The following CCDC170 variants were observed in gnomAD, a reference collection of about 807,000 sequenced individuals.
The protein encoded by CCDC170 is coiled-coil domain containing 170.
A neutral mutation model predicts 72.6 loss-of-function variants in CCDC170; 69 were observed. The observed-to-expected ratio is 0.95, with a 90% CI of 0.78 to 1.16. CCDC170 has a LOEUF of 1.16. Among genes scored for constraint, CCDC170 ranks in the 50% most tolerant of loss-of-function variants. CCDC170 has a pLI of 0.00. For missense variants in CCDC170, 852 were observed against 832.5 expected (o/e 1.02, Z -0.29); for synonymous variants, 300 against 303.9 (o/e 0.99, Z 0.13).
intron 9 of CCDC170, among the ~76,000 whole-genome samples, chr6:151,600,784 G>C (rs1032125919): frequency 6.6e-6 from 1 of 151,936 alleles, no homozygotes; most frequent in Admixed American, 6.6e-5. Flanking sequence ...TAATTGAATG[G>C]TTTTTAGTAT....
intron 5 of CCDC170, among the ~76,000 whole-genome samples, chr6:151,572,565 A>C (rs1265031878): frequency 6.6e-6 from 1 of 151,798 alleles, no homozygotes; most frequent in African/African-American, 2.4e-5. Flanking sequence ...AACTCTTTCC[A>C]GTATTCCACA....
intron 9 of CCDC170, among the ~76,000 whole-genome samples, chr6:151,602,489 G>A (rs1776723557): frequency 6.6e-6 from 1 of 152,056 alleles, no homozygotes; most frequent in Non-Finnish European, 1.5e-5. Context: ...ATATGGTTTG[G>A]CTCTGTGTCC....
intron 1 of CCDC170, among the ~76,000 whole-genome samples, chr6:151,530,638 C>T (rs1782480047): frequency 6.6e-6 from 1 of 152,004 alleles, no homozygotes; most frequent in African/African-American, 2.4e-5. Flanking sequence ...GACTGGGTTT[C>T]ACCATGTTGG....
chr6:151,602,399 A>G (rs1395192342), intron 9 of CCDC170, among the ~76,000 whole-genome samples: 3 of 152,218 alleles, frequency 2.0e-5, no homozygotes, highest in African/African-American at 2.4e-5. Flanking sequence ...TTCAAAAATC[A>G]AAACAAAGGA....
At chr6:151,590,748 G>A (rs1776523025) in intron 7 of CCDC170, among the ~76,000 whole-genome samples, 2 of 152,180 alleles carry the variant, frequency 1.3e-5, no homozygotes, top group Non-Finnish European at 2.9e-5. Flanking sequence ...TGGGGTCTCG[G>A]CTTGCTCTTG....
intron 1 of CCDC170, among the ~76,000 whole-genome samples, chr6:151,505,810 C>T (rs1244508667): frequency 6.6e-6 from 1 of 152,072 alleles, no homozygotes; most frequent in Non-Finnish European, 1.5e-5. Flanking sequence ...AAATCAAGAA[C>T]TCTAGGCTGG....
At chr6:151,531,607 A>G (rs905363030) in intron 1 of CCDC170, among the ~76,000 whole-genome samples, 2 of 152,236 alleles carry the variant, frequency 1.3e-5, no homozygotes, top group East Asian at 3.8e-4. Context: ...GGAACAAGAC[A>G]AAATGTCCGT....
At chr6:151,578,477 G>C (rs970877606) in intron 6 of CCDC170, among the ~76,000 whole-genome samples, 11 of 152,086 alleles carry the variant, frequency 7.2e-5, no homozygotes, top group Non-Finnish European at 1.6e-4. Context: ...CGGTCTTCGT[G>C]TCCAAATTTC....
In CCDC170 at chr6:151,599,253, A is replaced by G. The variant is rs190246633; in HGVS notation, c.1710+2676A>G. The stretch of plus-strand genomic sequence containing the variant: ...TACCCATAGGGAGGTGCTTTCATGT[A>G]GACAAGGATATGGCAAAATCAGAGC... On this transcript the variant is annotated intron_variant, in intron 9 of 10. Transcript: ENST00000239374. 5.3e-3 allele frequency among the ~76,000 whole-genome samples: 804 copies of G among 152,370 alleles called. 6 individuals are homozygous for G. The highest frequency in any genetic ancestry group is 0.019 in the African/African-American group (771 of 41,584).
intron 5 of CCDC170, among the ~76,000 whole-genome samples, chr6:151,558,353 C>A (rs1386629638): frequency 7.0e-6 from 1 of 143,484 alleles, no homozygotes; most frequent in Non-Finnish European, 1.5e-5. Flanking sequence ...CAGGTTGTTT[C>A]TTCACCCTGT....
At chr6:151,587,497 C>T (rs1368406452) in intron 7 of CCDC170, among the ~76,000 whole-genome samples, 2 of 152,100 alleles carry the variant, frequency 1.3e-5, no homozygotes, top group African/African-American at 4.8e-5. Context: ...GAAAGGGAGG[C>T]ACACAGGCCC....
intron 7 of CCDC170, among the ~76,000 whole-genome samples, chr6:151,588,460 G>A (rs1269594899): frequency 6.6e-6 from 1 of 152,188 alleles, no homozygotes; most frequent in African/African-American, 2.4e-5. Flanking sequence ...CCCAGTTGGT[G>A]GCTCCCTGAC....
chr6:151,545,629 TTTTG>T (rs1782760010), intron 4 of CCDC170, among the ~76,000 whole-genome samples: 1 of 152,102 alleles, frequency 6.6e-6, no homozygotes. Context: ...TGTTTTTTTT[TTTTG>T]TTTGTTTGTT....
At chr6:151,541,828 TATATAA>T (rs1325935465) in intron 3 of CCDC170, among the ~76,000 whole-genome samples, 3 of 147,050 alleles carry the variant, frequency 2.0e-5, no homozygotes, top group Non-Finnish European at 3.0e-5. Flanking sequence ...TATATGTATA[TATATAA>T]ATATAAGTAT....
intron 1 of CCDC170, among the ~76,000 whole-genome samples, chr6:151,518,100 G>A (rs954271243): frequency 2.0e-5 from 3 of 152,154 alleles, no homozygotes; most frequent in African/African-American, 7.2e-5. Context: ...TACAGGAGAA[G>A]CATGTCCCAG....
chr6:151,537,983 A>G (rs895986508), intron 2 of CCDC170, 62 bp from the exon 3 acceptor site: 1 of 1,490,180 alleles, frequency 6.7e-7, no homozygotes, highest in Non-Finnish European at 9.0e-7. Flanking sequence ...TGGGTTTCTT[A>G]AAGATAATTC....
chr6:151,506,259 T>C (rs1400950443), intron 1 of CCDC170, among the ~76,000 whole-genome samples: 1 of 152,226 alleles, frequency 6.6e-6, no homozygotes, highest in Non-Finnish European at 1.5e-5. Context: ...TTATTTAGAA[T>C]TGACAATTAG....
At chr6:151,565,060 G>A (rs990117074) in intron 5 of CCDC170, among the ~76,000 whole-genome samples, 2 of 152,158 alleles carry the variant, frequency 1.3e-5, no homozygotes, top group African/African-American at 2.4e-5. Context: ...TGGGACACTT[G>A]TATATGTGCG....
rs568001872 is a variant in CCDC170, at chr6:151,573,029, G to A, written c.775-145G>A. ...AATAACTTTATGAGGAGACTATAGG[G>A]AACTTGGAGTTAAAAATGGAAGGAG... On this transcript the variant is annotated intron_variant, in intron 5 of 10. Coordinates refer to ENST00000239374, the MANE Select transcript of CCDC170 (RefSeq NM_025059.4). 2.2e-5 allele frequency: 15 copies of A among 681,186 alleles called. No individual in the cohort carries two copies. In the African/African-American group the frequency reaches 2.5e-4, roughly 11 times the overall value. 42.2% of individuals were successfully genotyped at this position (681,186 alleles called of 1,614,324 possible). A position where few individuals can be genotyped will look rare whatever the true frequency, so the allele number is the denominator to read the frequency against.
Sources: allele counts gnomAD v4.1 joint callset (sites outside exome capture counted in the v4.1 genomes callset), GRCh38; gene constraint gnomAD v4.1.1; transcripts MANE v1.5; gene names NCBI Gene and HGNC (gene_info 2026-07-23, HGNC 2026-07-21).